Variants in CDCA4 observed in about 807,000 individuals in gnomAD.
CDCA4 encodes the protein cell division cycle associated 4.
For synonymous variants in CDCA4, 130 were observed against 137.0 expected (o/e 0.95, Z 0.36); for missense variants, 294 against 322.1 (o/e 0.91, Z 0.67).
rs770614902 is a variant in CDCA4, at chr14:105,011,741, G to A, written c.189C>T (p.Ala63=). ...EPNLCRSVLI[A]NTVRQIQEEM... is the part of the protein sequence containing the mutation. Reference sequence around the variant, plus strand: ...CCTCTTGGATCTGCCGGACCGTGTTGGCAATGAGGACTGAGCGGCACAGGT... The same window carrying A: ...CCTCTTGGATCTGCCGGACCGTGTTAGCAATGAGGACTGAGCGGCACAGGT... The change falls in exon 2 of 2, where the codon GCC becomes GCT. Residue 63 remains alanine, a synonymous_variant. Coordinates refer to ENST00000336219, the MANE Select transcript of CDCA4 (RefSeq NM_017955.4). 1 of 1,613,730 alleles carries A rather than the reference G, an allele frequency of 6.2e-7. No individual in the cohort carries two copies. The highest frequency in any genetic ancestry group is 1.1e-5 in the South Asian group (1 of 91,092).
chr14:105,020,442 T>C (rs985439617), intron 1 of CDCA4, among the ~76,000 whole-genome samples: 9 of 152,190 alleles, frequency 5.9e-5, no homozygotes, highest in African/African-American at 2.2e-4. Flanking sequence ...GAGGGAGGCT[T>C]GCGTCTGACT....
Position 105,009,975 on chromosome 14 carries a change from C to T in CDCA4, c.*1229G>A, listed in dbSNP as rs370909400. ...TAATTTTTTAATAAAGTGAGGTTTACATCACTGATATTTAAGAATGGCTAT... is the reference window on the plus strand; with the variant it reads ...TAATTTTTTAATAAAGTGAGGTTTATATCACTGATATTTAAGAATGGCTAT... On this transcript the variant is annotated 3_prime_UTR_variant, in exon 2 of 2. Transcript: ENST00000336219. 2.6e-5 allele frequency: 4 copies of T among 152,248 alleles called. No individual in the cohort carries two copies. The highest frequency in any genetic ancestry group is 9.6e-5 in the African/African-American group (4 of 41,454). 9.4% of individuals were successfully genotyped at this position (152,248 alleles called of 1,614,324 possible).
At chr14:105,013,835 C>G (rs920084970) in intron 1 of CDCA4, among the ~76,000 whole-genome samples, 7 of 152,174 alleles carry the variant, frequency 4.6e-5, no homozygotes, top group Non-Finnish European at 1.0e-4. Flanking sequence ...GCATTTATCC[C>G]AGAGAAAAAG....
intron 1 of CDCA4, among the ~76,000 whole-genome samples, chr14:105,016,831 G>A (rs1285972962): frequency 6.6e-6 from 1 of 152,234 alleles, no homozygotes; most frequent in African/African-American, 2.4e-5. Context: ...AAACTCTTGT[G>A]TGTCAACAGT....
At chr14:105,017,778 C>T in intron 1 of CDCA4, among the ~76,000 whole-genome samples, 1 of 151,860 alleles carries the variant, frequency 6.6e-6, no homozygotes, top group Non-Finnish European at 1.5e-5. Flanking sequence ...TTGCAGTGAG[C>T]AGAGATTGCA....
At chr14:105,015,500 G>C (rs1227329045) in intron 1 of CDCA4, among the ~76,000 whole-genome samples, 1 of 38,840 alleles carries the variant, frequency 2.6e-5, no homozygotes, top group African/African-American at 4.5e-5. Context: ...CCTGCAGGAA[G>C]CCTGGCTGCT....
intron 1 of CDCA4, among the ~76,000 whole-genome samples, chr14:105,015,910 T>C (rs1255484254): frequency 6.6e-6 from 1 of 152,036 alleles, no homozygotes; most frequent in Admixed American, 6.5e-5. Context: ...TCCACTCACC[T>C]TGGCCTCCCA....
chr14:105,016,902 A>G lies in CDCA4; in HGVS notation c.-7+4097T>C, dbSNP rs559826539. 2.0e-5 allele frequency among the ~76,000 whole-genome samples: 3 copies of G among 152,376 alleles called. No homozygotes were observed. In the South Asian group the frequency reaches 6.2e-4, roughly 32 times the overall value. On this transcript the variant is annotated intron_variant, in intron 1 of 1. Coordinates refer to ENST00000336219, the MANE Select transcript of CDCA4 (RefSeq NM_017955.4). ...CAGAGTGTCACCACACCCCAGCTGA[A>G]GGGAACTTTTTCCTTGTTTCCAGTT... is the stretch of plus-strand genomic sequence containing the variant.
intron 1 of CDCA4, among the ~76,000 whole-genome samples, chr14:105,016,676 T>C (rs998648063): frequency 2.6e-5 from 4 of 152,250 alleles, no homozygotes; most frequent in South Asian, 4.1e-4. Flanking sequence ...CCAGACACCC[T>C]GGCCTCCCTG....
chr14:105,019,338 G>A (rs1326724022), intron 1 of CDCA4, among the ~76,000 whole-genome samples: 2 of 152,090 alleles, frequency 1.3e-5, no homozygotes, highest in African/African-American at 4.8e-5. Context: ...AGTACAGCTC[G>A]GGGACTGGTC....
rs1360226977 is a variant in CDCA4 at position 105,010,046 on chromosome 14, T to TA, written c.*1157dup. On this transcript the variant is annotated 3_prime_UTR_variant, in exon 2 of 2. Transcript: ENST00000336219. Reference sequence around the variant, plus strand: ...CTTTTTGGTTAAGGGGTGAGGAAGTTAGAGAAAGCATGAGAAACAGGGAGC... The same window carrying TA: ...CTTTTTGGTTAAGGGGTGAGGAAGTTAAGAGAAAGCATGAGAAACAGGGAGC... 3.3e-5 allele frequency: 5 copies of TA among 152,600 alleles called. No homozygotes were observed. In the East Asian group the frequency reaches 9.6e-4, roughly 29 times the overall value. The allele number at this position is 152,600 out of a possible 1,614,324, so 9.5% of individuals were successfully genotyped here. A position where few individuals can be genotyped will look rare whatever the true frequency, so the allele number is the denominator to read the frequency against.
chr14:105,017,880 T>C (rs1481614666), intron 1 of CDCA4, among the ~76,000 whole-genome samples: 1 of 151,768 alleles, frequency 6.6e-6, no homozygotes, highest in Non-Finnish European at 1.5e-5. Flanking sequence ...AAGTTGAATG[T>C]ATACGATCTG....
chr14:105,018,010 T>C (rs897054646), intron 1 of CDCA4, among the ~76,000 whole-genome samples: 2 of 152,082 alleles, frequency 1.3e-5, no homozygotes, highest in South Asian at 4.2e-4. Flanking sequence ...ATATGTACCG[T>C]AGGATTCTAT....
rs776600470 is a variant in CDCA4, at chr14:105,011,300, G to C, written c.630C>G (p.Leu210=). ...CTGGGGTGGCCGGAGCCAAGCCCTC[G>C]AGCCCTTCGCAGGGGCCCGGCCTGG... ...GGARPGPCEG[L]EGLAPATPGP... Residue 210 remains leucine, a synonymous_variant, in exon 2 of 2, where the codon CTC becomes CTG. Transcript: ENST00000336219. 2 of 1,613,932 alleles carry C rather than the reference G, an allele frequency of 1.2e-6. No individual in the cohort carries two copies. Among genetic ancestry groups the C allele is most frequent in the South Asian group, 1.1e-5 (1 of 91,078 alleles).
chr14:105,016,541 T>G (rs1900658558), intron 1 of CDCA4, among the ~76,000 whole-genome samples: 1 of 152,242 alleles, frequency 6.6e-6, no homozygotes, highest in Non-Finnish European at 1.5e-5. Flanking sequence ...TTCTGCACAC[T>G]TGCTGGTAAA....
rs1431299150 is a variant in CDCA4 at position 105,011,603 on chromosome 14, C to T, written c.327G>A (p.Glu109=). Residue 109 remains glutamate (E), a synonymous_variant, in exon 2 of 2, where the codon GAG becomes GAA. Coordinates refer to ENST00000336219, the MANE Select transcript of CDCA4 (RefSeq NM_017955.4). ...EILCRAAWGQ[E]GAHPAPGLGD... ...CCAAGCCAGGAGCAGGATGTGCCCC[C>T]TCTTGCCCCCACGCTGCACGGCACA... 1 of 1,613,808 alleles carries T rather than the reference C, an allele frequency of 6.2e-7. No homozygotes were observed.
intron 1 of CDCA4, among the ~76,000 whole-genome samples, chr14:105,019,709 A>ATGT (rs1158566712): frequency 6.2e-5 from 8 of 129,440 alleles, no homozygotes; most frequent in African/African-American, 3.2e-4. Context: ...AATTTCAGGT[A>ATGT]TTTGGTTTTT....
In CDCA4 at chr14:105,011,368, AGGGGCT is replaced by A; in HGVS notation, c.556_561del (p.Ser186_Pro187del). 1 of 1,614,104 alleles carries A rather than the reference AGGGGCT, an allele frequency of 6.2e-7. No individual in the cohort carries two copies. The stretch of plus-strand genomic sequence containing the variant: ...GTCAGTACTGTGTCCAGGTCGTAGT[AGGGGCT>A]GTCCACGTCTGAGAACAGCTCTTCC... On this transcript the variant is annotated inframe_deletion, in exon 2 of 2. Transcript: ENST00000336219.
In CDCA4 at chr14:105,011,285, C is replaced by G. The variant is rs186079742; in HGVS notation, c.645G>C (p.Pro215=). 1.2e-6 allele frequency: 2 copies of G among 1,613,768 alleles called. No individual in the cohort carries two copies. Among genetic ancestry groups the G allele is most frequent in the Admixed American group, 1.7e-5 (1 of 60,014 alleles). Residue 215 remains proline, a synonymous_variant, in exon 2 of 2, where the codon CCG becomes CCC. Coordinates refer to ENST00000336219, the MANE Select transcript of CDCA4 (RefSeq NM_017955.4). ...GPCEGLEGLA[P]ATPGPSSSCK... The stretch of plus-strand genomic sequence containing the variant: ...AGCTGGAGCTAGGGCCTGGGGTGGC[C>G]GGAGCCAAGCCCTCGAGCCCTTCGC...
Sources: allele counts gnomAD v4.1 joint callset (sites outside exome capture counted in the v4.1 genomes callset), GRCh38; gene constraint gnomAD v4.1.1; transcripts MANE v1.5; gene names NCBI Gene and HGNC (gene_info 2026-07-23, HGNC 2026-07-21).